The following DCTN2 variants were observed in gnomAD, a reference collection of about 807,000 sequenced individuals.
The protein encoded by DCTN2 is 50 kDa dynein-associated polypeptide.
A neutral mutation model predicts 55.4 loss-of-function variants in DCTN2; 18 were observed. The ratio of observed to expected loss-of-function variants is 0.32; its 90% CI spans 0.22 to 0.48. The LOEUF is 0.48. Ranked by LOEUF, DCTN2 falls within the 20% of genes least tolerant of loss-of-function variation. The probability of loss-of-function intolerance (pLI) is 0.99; values close to 1 mark genes in which losing one functional copy is unlikely to be tolerated. For synonymous variants in DCTN2, 168 were observed against 185.2 expected, an observed-to-expected ratio of 0.91 and a Z score of 0.76; for missense variants, 390 against 491.0, an observed-to-expected ratio of 0.79 and a Z score of 1.94.
Position 57,530,673 on chromosome 12 carries a change from C to G in DCTN2, c.*16G>C. 6.2e-7 allele frequency: 1 copy of G among 1,610,106 alleles called. No individual in the cohort carries two copies. The highest frequency in any genetic ancestry group is 1.1e-5 in the South Asian group (1 of 90,900). Reference sequence around the variant, plus strand: ...AGGGGTAGGGATAACCCCTGTTCTCCAGCTCCCAAATGTGCTCACTTTCCC... The same window carrying G: ...AGGGGTAGGGATAACCCCTGTTCTCGAGCTCCCAAATGTGCTCACTTTCCC... On this transcript the variant is annotated 3_prime_UTR_variant, in exon 14 of 14. Transcript: ENST00000548249.
At chr12:57,542,274 C>A (rs1337862505) in intron 2 of DCTN2, among the ~76,000 whole-genome samples, 28 of 150,244 alleles carry the variant, frequency 1.9e-4, no homozygotes, top group Non-Finnish European at 5.9e-5. Flanking sequence ...GAAACTCCAT[C>A]TTGAAAAAAA....
chr12:57,541,232 C>T, intron 2 of DCTN2: 1 of 990,556 alleles, frequency 1.0e-6, no homozygotes. Context: ...GCCAGCAGGC[C>T]CCTCAGTGAC....
chr12:57,542,992 T>C (rs1021799404), intron 2 of DCTN2: 10 of 455,858 alleles, frequency 2.2e-5, no homozygotes, highest in African/African-American at 1.8e-4. Flanking sequence ...CTTTAAAAAC[T>C]GATAAAATTA....
intron 13 of DCTN2, among the ~76,000 whole-genome samples, chr12:57,531,239 C>T (rs1189139303): frequency 6.6e-5 from 10 of 152,070 alleles, no homozygotes; most frequent in Admixed American, 2.0e-4. Context: ...TTGGGACTTG[C>T]GGCCAGGTGC....
chr12:57,534,126 T>C (rs772414957), intron 6 of DCTN2, 29 bp from the exon 7 acceptor site: 4 of 1,562,650 alleles, frequency 2.6e-6, no homozygotes, highest in African/African-American at 1.4e-5. Flanking sequence ...AATAATATCA[T>C]GACTGGAAGG....
At chr12:57,533,881 G>A in intron 7 of DCTN2, 72 bp downstream of exon 7, 1 of 1,472,896 alleles carries the variant, frequency 6.8e-7, no homozygotes, top group Non-Finnish European at 9.1e-7. Flanking sequence ...CCCTCTCCTT[G>A]GAGAGAGGCA....
intron 11 of DCTN2, 112 bp downstream of exon 11, chr12:57,532,460 T>C: frequency 2.2e-6 from 3 of 1,345,876 alleles, no homozygotes; most frequent in East Asian, 4.6e-5. Flanking sequence ...AAGCTCTTCA[T>C]AAGAGCTTAT....
At chr12:57,535,345 T>A (rs1203727138) in intron 4 of DCTN2, 139 bp downstream of exon 4, 1 of 1,209,630 alleles carries the variant, frequency 8.3e-7, no homozygotes, top group Non-Finnish European at 1.2e-6. Context: ...GGGCAGAGTT[T>A]CCCTGGCTGC....
chr12:57,532,524 G>A lies in DCTN2; in HGVS notation c.924+48C>T, dbSNP rs180991836. The A allele has an allele frequency of 4.5e-5, 72 of 1,589,894 alleles. No homozygotes were observed. In the African/African-American group the frequency reaches 5.9e-4, roughly 13 times the overall value. The stretch of plus-strand genomic sequence containing the variant: ...TTCTCATGCTTTGACACTGCCACTC[G>A]GAGAACCTGAGGGAGTGGAAAGGAG... On this transcript the variant is annotated intron_variant, in intron 11 of 13. Transcript: ENST00000548249.
At chr12:57,542,200 C>T (rs535915212) in intron 2 of DCTN2, among the ~76,000 whole-genome samples, 1 of 151,264 alleles carries the variant, frequency 6.6e-6, no homozygotes, top group Non-Finnish European at 1.5e-5. Flanking sequence ...CTCTTGAACT[C>T]GGGAGGTGGA....
intron 2 of DCTN2, among the ~76,000 whole-genome samples, chr12:57,545,435 T>C (rs1285747100): frequency 1.3e-5 from 2 of 152,150 alleles, no homozygotes; most frequent in Non-Finnish European, 2.9e-5. Flanking sequence ...CCATACTAAA[T>C]GTTTCCCCTC....
rs915957007 is a variant in DCTN2 at position 57,532,575 on chromosome 12, G to A, written c.921C>T (p.Ser307=). The change falls in exon 11 of 14, where the codon AGC becomes AGT. Residue 307 remains serine (S), a synonymous_variant. Transcript: ENST00000548249. The stretch of plus-strand genomic sequence containing the variant: ...ATGGGGAAGGTGTCTTCCTGACCTT[G>A]CTTTGTGTATCTGCATCTTCTACAG... ...KASVEDADTQ[S]KVHQLYETIQ... 2 of 1,613,810 alleles carry A rather than the reference G, an allele frequency of 1.2e-6. No individual in the cohort carries two copies. Among genetic ancestry groups the A allele is most frequent in the Non-Finnish European group, 1.7e-6 (2 of 1,179,854 alleles).
chr12:57,541,514 C>T, intron 2 of DCTN2: 1 of 857,486 alleles, frequency 1.2e-6, no homozygotes, highest in Non-Finnish European at 1.8e-6. Context: ...TACTGTTTCT[C>T]ATCTCAGGAG....
At chr12:57,533,915 C>A (rs768035511) in intron 7 of DCTN2, 38 bp downstream of exon 7, 1 of 1,558,762 alleles carries the variant, frequency 6.4e-7, no homozygotes, top group Non-Finnish European at 8.7e-7. Flanking sequence ...GGTCACATCT[C>A]CCCTTGGCTT....
chr12:57,538,265 TCCTCTGGAG>T, intron 2 of DCTN2: 1 of 586,838 alleles, frequency 1.7e-6, no homozygotes, highest in South Asian at 1.6e-5. Context: ...GGCGCTGGCA[TCCTCTGGAG>T]CCTCTCCAAG....
chr12:57,538,121 C>T (rs576471218), intron 2 of DCTN2: 18 of 333,262 alleles, frequency 5.4e-5, no homozygotes, highest in South Asian at 4.5e-4. Flanking sequence ...ATTTACGTTC[C>T]TAAGTAGGGA....
chr12:57,533,486 A>G (rs1196607211), intron 7 of DCTN2, among the ~76,000 whole-genome samples, 183 bp from the exon 8 acceptor site: 1 of 152,166 alleles, frequency 6.6e-6, no homozygotes, highest in Non-Finnish European at 1.5e-5. Flanking sequence ...AACATAGAGA[A>G]TGAGGTCGGG....
Position 57,543,830 on chromosome 12 carries a change from A to G in DCTN2, c.105+2198T>C, listed in dbSNP as rs1033507735. On this transcript the variant is annotated intron_variant, in intron 2 of 13. Coordinates refer to ENST00000548249, the MANE Select transcript of DCTN2 (RefSeq NM_001261413.2). ...ACTGGCATCCTGGGCAACATGCCAC[A>G]GGAAATGAACACTCACAGTATCCTC... 3.9e-6 allele frequency: 5 copies of G among 1,289,574 alleles called. No individual in the cohort carries two copies. In the African/African-American group the frequency reaches 4.6e-5, roughly 12 times the overall value. 79.9% of individuals were successfully genotyped at this position (1,289,574 alleles called of 1,614,324 possible).
intron 13 of DCTN2, among the ~76,000 whole-genome samples, chr12:57,531,661 G>A (rs575515539): frequency 3.3e-5 from 5 of 152,278 alleles, no homozygotes; most frequent in South Asian, 4.1e-4. Flanking sequence ...TTCAAAGCCC[G>A]GATTCCTTCC....
Sources: gnomAD v4.1 joint callset for allele counts (sites outside exome capture counted in the v4.1 genomes callset) on GRCh38, gnomAD v4.1.1 for gene constraint, MANE v1.5 for transcripts, NCBI Gene and HGNC (gene_info 2026-07-23, HGNC 2026-07-21) for gene names.